The following SMYD3 variants were observed in gnomAD, a reference collection of about 807,000 sequenced individuals.
SMYD3 encodes the protein histone-lysine N-methyltransferase SMYD3.
SMYD3 carries 36 observed loss-of-function variants against 57.7 expected under a neutral mutation model. That is an observed-to-expected ratio of 0.62 (90% CI 0.48 to 0.82). The LOEUF is 0.82. Ranked by LOEUF, SMYD3 falls within the 40% of genes least tolerant of loss-of-function variation. The pLI, the probability that SMYD3 is intolerant of heterozygous loss-of-function variation, is 0.00. For synonymous variants in SMYD3, 211 were observed against 195.0 expected, an observed-to-expected ratio of 1.08 and a Z score of -0.68; for missense variants, 515 against 538.8, an observed-to-expected ratio of 0.96 and a Z score of 0.44.
At chr1:246,247,503 C>CATATATAT (rs150218563) in intron 5 of SMYD3, among the ~76,000 whole-genome samples, 20 of 144,212 alleles carry the variant, frequency 1.4e-4, no homozygotes, top group African/African-American at 4.4e-4. Flanking sequence ...ACATGGGACT[C>CATATATAT]ATATATATAT....
chr1:246,280,078 TC>T (rs1274124567), intron 5 of SMYD3, among the ~76,000 whole-genome samples: 3 of 152,186 alleles, frequency 2.0e-5, no homozygotes, highest in Non-Finnish European at 4.4e-5. Flanking sequence ...AAAAGGCCAT[TC>T]ATATCCACGA....
At chr1:245,917,031 C>T (rs2055477707) in intron 7 of SMYD3, among the ~76,000 whole-genome samples, 1 of 26,220 alleles carries the variant, frequency 3.8e-5, no homozygotes, top group Non-Finnish European at 7.4e-5. Flanking sequence ...AAACATTGGG[C>T]TTTAAAAAAA....
At chr1:246,259,352 A>G (rs2063957552) in intron 5 of SMYD3, among the ~76,000 whole-genome samples, 1 of 152,054 alleles carries the variant, frequency 6.6e-6, no homozygotes. Context: ...TAATTTTTGT[A>G]ATTATTTTCA....
intron 10 of SMYD3, among the ~76,000 whole-genome samples, chr1:245,775,435 CAT>C (rs1471523014): frequency 1.3e-5 from 2 of 151,804 alleles, no homozygotes; most frequent in Non-Finnish European, 1.5e-5. Context: ...CTCTCTGAAA[CAT>C]GTGCTGTGTC....
At chr1:245,936,228 T>C (rs553811536) in intron 5 of SMYD3, among the ~76,000 whole-genome samples, 66 of 152,334 alleles carry the variant, frequency 4.3e-4, no homozygotes, top group African/African-American at 1.5e-3. Context: ...ATACATAAAA[T>C]GATAATTCTA....
At chr1:246,166,643 C>A (rs1411353354) in intron 5 of SMYD3, among the ~76,000 whole-genome samples, 1 of 152,148 alleles carries the variant, frequency 6.6e-6, no homozygotes, top group Non-Finnish European at 1.5e-5. Flanking sequence ...ATGTAAAGTG[C>A]TCAAGATAAT....
intron 10 of SMYD3, among the ~76,000 whole-genome samples, chr1:245,817,833 G>A (rs2048938557): frequency 6.6e-6 from 1 of 152,058 alleles, no homozygotes; most frequent in Admixed American, 6.5e-5. Context: ...GAAGTGAGAA[G>A]GGAAGTTTAG....
chr1:245,802,767 C>T (rs563027743), intron 10 of SMYD3, among the ~76,000 whole-genome samples: 23 of 152,328 alleles, frequency 1.5e-4, no homozygotes, highest in Admixed American at 6.5e-4. Flanking sequence ...ATCTGCCAGG[C>T]CAGCATTGCT....
intron 5 of SMYD3, among the ~76,000 whole-genome samples, chr1:246,257,261 AT>A (rs2063912233): frequency 6.6e-6 from 1 of 152,070 alleles, no homozygotes; most frequent in Admixed American, 6.6e-5. Context: ...GGGGTGTTGA[AT>A]TTCCCCACTA....
intron 5 of SMYD3, among the ~76,000 whole-genome samples, chr1:246,090,172 C>A (rs182157526): frequency 6.6e-6 from 1 of 152,018 alleles, no homozygotes; most frequent in African/African-American, 2.4e-5. Context: ...TATTAAAATA[C>A]TAGAGTACAA....
At chr1:245,813,410 C>T (rs1251805105) in intron 10 of SMYD3, among the ~76,000 whole-genome samples, 1 of 152,130 alleles carries the variant, frequency 6.6e-6, no homozygotes, top group African/African-American at 2.4e-5. Flanking sequence ...GGTGCAAGCA[C>T]AGCAGCTGGC....
chr1:245,814,387 AAAG>A (rs1572412762), intron 10 of SMYD3: 2 of 985,204 alleles, frequency 2.0e-6, no homozygotes, highest in Non-Finnish European at 2.4e-6. Context: ...CAGTTTTTTA[AAAG>A]AAGATTCTTT....
intron 5 of SMYD3, among the ~76,000 whole-genome samples, chr1:246,225,202 G>A (rs2063310016): frequency 6.6e-6 from 1 of 151,526 alleles, no homozygotes; most frequent in African/African-American, 2.4e-5. Context: ...GTTAAACAGA[G>A]CATCAACAGC....
At chr1:245,860,916 T>C (rs1342069115) in intron 9 of SMYD3, among the ~76,000 whole-genome samples, 4 of 152,362 alleles carry the variant, frequency 2.6e-5, no homozygotes, top group Admixed American at 2.0e-4. Context: ...CTGTTTGACC[T>C]CCACTATTAT....
intron 1 of SMYD3, among the ~76,000 whole-genome samples, chr1:246,453,434 A>C (rs747879684): frequency 6.6e-6 from 1 of 152,290 alleles, no homozygotes; most frequent in African/African-American, 2.4e-5. Context: ...CGATGCTTCT[A>C]TATGTAAACA....
intron 5 of SMYD3, among the ~76,000 whole-genome samples, chr1:245,949,007 C>A: frequency 6.6e-6 from 1 of 152,364 alleles, no homozygotes; most frequent in African/African-American, 2.4e-5. Flanking sequence ...CCGCTACCAG[C>A]ACATCTAGCA....
intron 1 of SMYD3, among the ~76,000 whole-genome samples, chr1:246,457,569 G>GA (rs995158111): frequency 7.2e-5 from 10 of 138,752 alleles, no homozygotes; most frequent in South Asian, 2.4e-4. Flanking sequence ...GAAAAGAAAA[G>GA]AAAAGAAAAA....
chr1:245,935,220 C>A (rs752349149), intron 5 of SMYD3, among the ~76,000 whole-genome samples: 1 of 152,126 alleles, frequency 6.6e-6, no homozygotes, highest in East Asian at 1.9e-4. Flanking sequence ...AGAAAACAAA[C>A]AACCCAATTT....
rs754783331 is a variant in SMYD3, at chr1:246,355,009, A to C, written c.228+22T>G. The C allele has an allele frequency of 6.2e-7, 1 of 1,611,784 alleles. No individual in the cohort carries two copies. ...AGTAAAGAATTTGAAAGCTTCACTT[A>C]TATATGGCTGAAAAGTCTTACCTGA... is the stretch of plus-strand genomic sequence containing the variant. On this transcript the variant is annotated intron_variant, in intron 2 of 11. Coordinates refer to ENST00000490107, the MANE Select transcript of SMYD3 (RefSeq NM_001167740.2). This position sits in a 1 kb window ranked among gnomAD's most constrained non-coding sequence, Gnocchi z 5.0.
Sources: allele counts gnomAD v4.1 joint callset (sites outside exome capture counted in the v4.1 genomes callset), GRCh38; gene constraint gnomAD v4.1.1; non-coding constraint Gnocchi (gnomAD v3.1); transcripts MANE v1.5; gene names NCBI Gene and HGNC (gene_info 2026-07-23, HGNC 2026-07-21).